Variants in COL6A3 observed in about 807,000 individuals in gnomAD.
COL6A3 encodes collagen type VI alpha 3 chain.
A neutral mutation model predicts 274.1 loss-of-function variants in COL6A3; 137 were observed. The ratio of observed to expected loss-of-function variants is 0.50; its 90% confidence interval spans 0.44 to 0.58. COL6A3 has a LOEUF of 0.58. COL6A3 is among the 20% of genes least tolerant of loss of function. The pLI, the probability that COL6A3 is intolerant of heterozygous loss-of-function variation, is 0.00. For missense variants in COL6A3, 3,950 were observed against 4,124.9 expected, an observed-to-expected ratio of 0.96 and a Z score of 1.16; for synonymous variants, 1,650 against 1,650.6, an observed-to-expected ratio of 1.00 and a Z score of 0.01.
chr2:237,377,629 T>C (rs758092247), intron 6 of COL6A3, among the ~76,000 whole-genome samples: 7 of 152,232 alleles, frequency 4.6e-5, no homozygotes, highest in Non-Finnish European at 1.0e-4. Context: ...GTTGTGTTCT[T>C]ACATCAGGTG....
At position 237,354,932 on chromosome 2, in the gene COL6A3, A is replaced by G. The variant is rs766890149; in HGVS notation, c.6594T>C (p.Gly2198=). The part of the protein sequence containing the change: ...PGGPGETGKN[G]GFGRRGPPGA... ...CGGGGGGTCCCCTTCGGCCAAAGCC[A>G]CCCTGTGGAAGAAAAAGTCCCACAA... The change falls in exon 24 of 44, where the codon GGT becomes GGC. Residue 2198 remains glycine (G), a splice_region_variant and synonymous_variant. Coordinates refer to ENST00000295550, the MANE Select transcript of COL6A3 (RefSeq NM_004369.4). 1.9e-6 allele frequency: 3 copies of G among 1,613,742 alleles called. No homozygotes were observed. In the East Asian group the frequency reaches 6.7e-5, roughly 36 times the overall value.
At position 237,394,810 on chromosome 2, in the gene COL6A3, T is replaced by C. The variant is rs1477252497; in HGVS notation, c.486A>G (p.Ser162=). Residue 162 remains serine, a synonymous_variant, in exon 3 of 44, where the codon TCA becomes TCG. Transcript: ENST00000295550. ...TAACATCAGCAGACTTAAGTTCCGC[T>C]GAGGGCAGAGCAAGGCCATCCTTCG... ...GHSKDGLALP[S]AELKSADVNV... 5 of 1,614,178 alleles carry C rather than the reference T, an allele frequency of 3.1e-6. No homozygotes were observed. The highest frequency in any genetic ancestry group is 3.3e-5 in the Admixed American group (2 of 60,024).
Position 237,374,720 on chromosome 2 carries a change from G to T in COL6A3, c.3371C>A (p.Ala1124Glu), listed in dbSNP as rs374447921. The T allele has an allele frequency of 1.4e-5, 23 of 1,613,200 alleles. No homozygotes were observed. The highest frequency in any genetic ancestry group is 1.0e-4 in the Admixed American group (6 of 59,996). The change falls in exon 8 of 44, where the codon GCG becomes GAG. Residue 1124 changes from alanine (A) to glutamate (E), a missense_variant. Transcript: ENST00000295550. The surrounding 1 kb of genome is among the most constrained non-coding windows in gnomAD (Gnocchi z 4.8). ...FVLRNILVSS[A>E]GSRITEGVPQ... ...CACACCTTCTGTTATCCTGCTTCCC[G>T]CAGAGCTGACCAGGATGTTCCTCAG...
Position 237,413,725 on chromosome 2 carries a change from C to G in COL6A3, c.-31+228G>C, listed in dbSNP as rs1220399680. ...GCCACAGACACGCGGTGGAAAAGTGCTCACACTCTTAGGCAATCATGACCT... is the reference window on the plus strand; with the variant it reads ...GCCACAGACACGCGGTGGAAAAGTGGTCACACTCTTAGGCAATCATGACCT... On this transcript the variant is annotated intron_variant, in intron 1 of 43. Transcript: ENST00000295550. This position sits in a 1 kb window ranked among gnomAD's most constrained non-coding sequence, Gnocchi z 4.0. Among the ~76,000 whole-genome samples, 1 of 152,204 alleles carries G rather than the reference C, an allele frequency of 6.6e-6. No individual in the cohort carries two copies. The highest frequency in any genetic ancestry group is 1.5e-5 in the Non-Finnish European group (1 of 68,036).
Position 237,365,703 on chromosome 2 carries a change from C to A in COL6A3, c.5833G>T (p.Val1945Leu). The A allele has an allele frequency of 1.9e-6, 3 of 1,614,178 alleles. No individual in the cohort carries two copies. The highest frequency in any genetic ancestry group is 2.5e-6 in the Non-Finnish European group (3 of 1,180,010). ...AACCAACTGGCCCCACAGACCTTCA[C>A]GCTGTCCGGCGAGGACTGTCTGAAC... The part of the protein sequence containing the change: ...NKFRQSSPDS[V>L]KVVIHFTDGA... The change falls in exon 12 of 44, where the codon GTG becomes TTG. Residue 1945 changes from valine (V) to leucine (L), a missense_variant. Transcript: ENST00000295550.
intron 1 of COL6A3, among the ~76,000 whole-genome samples, chr2:237,412,317 G>A (rs1385291072): frequency 6.6e-6 from 1 of 152,170 alleles, no homozygotes; most frequent in Non-Finnish European, 1.5e-5. Context: ...CCCGCCCCAC[G>A]GTCCACCTCC....
chr2:237,396,132 C>G (rs1471045299), intron 2 of COL6A3, among the ~76,000 whole-genome samples: 2 of 152,214 alleles, frequency 1.3e-5, no homozygotes, highest in Non-Finnish European at 2.9e-5. Context: ...GAGGGAGACC[C>G]ACCTGAGTCC....
intron 4 of COL6A3, among the ~76,000 whole-genome samples, chr2:237,382,696 G>C (rs1188142997): frequency 6.6e-6 from 1 of 152,236 alleles, no homozygotes; most frequent in Non-Finnish European, 1.5e-5. Context: ...ATGGCAAGTT[G>C]ATTTTGTAAA....
rs747330663 is a variant in COL6A3, at chr2:237,342,136, G to T, written c.7694C>A (p.Ala2565Glu). ...GTCTCTCCCTGCAGGCAGGACAAGC[G>T]CATGCCCCACTGCTGTGTTATTGAT... ...LQINNTAVGH[A>E]LVLPAGRDLT... is the part of the protein sequence containing the mutation. The change falls in exon 37 of 44, where the codon GCG becomes GAG. Residue 2565 changes from alanine to glutamate, a missense_variant. By Grantham distance (107) the Ala-to-Glu change is moderately radical. Around this residue, in one of 5 missense-constraint regions of COL6A3, gnomAD observed 1,284 missense variants for 1,349.7 expected, o/e 0.95. Coordinates refer to ENST00000295550, the MANE Select transcript of COL6A3 (RefSeq NM_004369.4). 1 of 1,614,160 alleles carries T rather than the reference G, an allele frequency of 6.2e-7. No homozygotes were observed. Among genetic ancestry groups the T allele is most frequent in the Non-Finnish European group, 8.5e-7 (1 of 1,179,998 alleles).
At chr2:237,390,963 G>C (rs2078271748) in intron 3 of COL6A3, among the ~76,000 whole-genome samples, 1 of 152,166 alleles carries the variant, frequency 6.6e-6, no homozygotes, top group Non-Finnish European at 1.5e-5. Flanking sequence ...TATTTGAGTA[G>C]AGTTCATTGA....
At chr2:237,326,696 A>G (rs1430294478) in intron 42 of COL6A3, 1 of 152,246 alleles carries the variant, frequency 6.6e-6, no homozygotes, top group Non-Finnish European at 1.5e-5. Context: ...GGCTGGAATT[A>G]TCCAGCTCTC....
In COL6A3 at chr2:237,336,206, G is replaced by C; in HGVS notation, c.8894C>G (p.Thr2965Ser). Residue 2965 changes from threonine (T) to serine (S), a missense_variant, in exon 40 of 44, where the codon ACC becomes AGC. Thr to Ser is a moderately conservative substitution (Grantham distance 58, BLOSUM62 1). Around this residue, in one of 5 missense-constraint regions of COL6A3, gnomAD observed 1,284 missense variants for 1,349.7 expected, o/e 0.95. Transcript: ENST00000295550. Reference protein sequence around the residue: ...PAAAAAKPVATKPEVPRPQAA... With the variant: ...PAAAAAKPVASKPEVPRPQAA... ...CTGTGGCCTAGGGACCTCAGGCTTGGTCGCCACTGGTTTTGCAGCAGCAGC... is the reference window on the plus strand; with the variant it reads ...CTGTGGCCTAGGGACCTCAGGCTTGCTCGCCACTGGTTTTGCAGCAGCAGC... 3.1e-6 allele frequency: 5 copies of C among 1,613,638 alleles called. No individual in the cohort carries two copies. Among genetic ancestry groups the C allele is most frequent in the Non-Finnish European group, 4.2e-6 (5 of 1,179,746 alleles).
At chr2:237,403,743 C>T (rs768412222) in intron 1 of COL6A3, among the ~76,000 whole-genome samples, 1 of 152,032 alleles carries the variant, frequency 6.6e-6, no homozygotes, top group Non-Finnish European at 1.5e-5. Flanking sequence ...TTAGCCCGGT[C>T]GCAGCACAGC....
chr2:237,379,364 C>A, intron 5 of COL6A3, 129 bp from the exon 6 acceptor site: 1 of 1,174,634 alleles, frequency 8.5e-7, no homozygotes, highest in Non-Finnish European at 1.3e-6. Flanking sequence ...AAAGCATGTC[C>A]ATCTTGTAAA....
chr2:237,330,206 T>A (rs542965281), intron 42 of COL6A3: 1 of 152,324 alleles, frequency 6.6e-6, no homozygotes, highest in East Asian at 1.9e-4. Flanking sequence ...CAAAGCTTCC[T>A]TAGCTAAAAA....
At position 237,369,088 on chromosome 2, in the gene COL6A3, C is replaced by T; in HGVS notation, c.4375G>A (p.Val1459Ile). The T allele has an allele frequency of 1.2e-6, 2 of 1,614,234 alleles. No individual in the cohort carries two copies. Among genetic ancestry groups the T allele is most frequent in the Non-Finnish European group, 1.7e-6 (2 of 1,180,052 alleles). Residue 1459 changes from valine to isoleucine, a missense_variant, in exon 10 of 44, where the codon GTT (valine) becomes ATT (isoleucine). Physicochemically the swap from Val to Ile is conservative, Grantham distance 29. Coordinates refer to ENST00000295550, the MANE Select transcript of COL6A3 (RefSeq NM_004369.4). ...TTGAGTCTTCGAACAATCCTGCTAA[C>T]AAAATCTCGAATATGTGCAAAGCCA... ...PDGFAHIRDF[V>I]SRIVRRLNIG...
Position 237,394,955 on chromosome 2 carries a change from C to G in COL6A3, c.341G>C (p.Gly114Ala). The G allele has an allele frequency of 6.2e-7, 1 of 1,614,020 alleles. No individual in the cohort carries two copies. Among genetic ancestry groups the G allele is most frequent in the Non-Finnish European group, 8.5e-7 (1 of 1,179,978 alleles). The change falls in exon 3 of 44, where the codon GGA (glycine) becomes GCA (alanine). Residue 114 changes from glycine (G) to alanine (A), a missense_variant. This residue lies in a region of COL6A3 where 1,934 missense variants were observed against 1,984.3 expected (regional missense o/e 0.97). Transcript: ENST00000295550. ...SHISNMSYIG[G>A]TNQTGKGLEY... ...TAATCCTTTTCCAGTCTGATTGGTT[C>G]CCCCAATATAAGACATGTTGGAAAT...
intron 4 of COL6A3, among the ~76,000 whole-genome samples, chr2:237,384,866 C>G (rs1315056876): frequency 6.6e-6 from 1 of 152,188 alleles, no homozygotes; most frequent in Non-Finnish European, 1.5e-5. Context: ...AGCTGCTTCT[C>G]CAGCTTCCAT....
rs574912582 is a variant in COL6A3 at position 237,381,225 on chromosome 2, T to A, written c.1587A>T (p.Leu529=). 2 of 1,614,256 alleles carry A rather than the reference T, an allele frequency of 1.2e-6. No individual in the cohort carries two copies. The highest frequency in any genetic ancestry group is 8.5e-7 in the Non-Finnish European group (1 of 1,180,052). The change falls in exon 5 of 44, where the codon CTA becomes CTT. Residue 529 remains leucine (L), a synonymous_variant. Coordinates refer to ENST00000295550, the MANE Select transcript of COL6A3 (RefSeq NM_004369.4). ...TGAATAGGTTGTTACGAACAAAGTCTAGAGCAGAGCCCGTGTACAGGGCCG... is the reference window on the plus strand; with the variant it reads ...TGAATAGGTTGTTACGAACAAAGTCAAGAGCAGAGCCCGTGTACAGGGCCG... ...DGSALYTGSA[L]DFVRNNLFTS...
Sources: allele counts gnomAD v4.1 joint callset (sites outside exome capture counted in the v4.1 genomes callset), GRCh38; gene constraint gnomAD v4.1.1; regional missense constraint gnomAD v4.1.1; non-coding constraint Gnocchi (gnomAD v3.1); transcripts MANE v1.5; gene names NCBI Gene and HGNC (gene_info 2026-07-23, HGNC 2026-07-21).